Variants in NPHP4 observed in about 807,000 individuals in gnomAD.
The protein encoded by NPHP4 is nephrocystin 4, also known as nephrocystin-4.
A neutral mutation model predicts 155.8 loss-of-function variants in NPHP4; 151 were observed. That is an observed-to-expected ratio of 0.97 (90% CI 0.85 to 1.11). The LOEUF (loss-of-function observed/expected upper bound fraction) is 1.11, where lower values mean the gene tolerates loss of function less well. Among genes scored for constraint, NPHP4 ranks in the 50% least tolerant of loss-of-function variants. The probability of loss-of-function intolerance (pLI) is 0.00; values close to 1 mark genes in which losing one functional copy is unlikely to be tolerated. For synonymous variants in NPHP4, 845 were observed against 816.8 expected (o/e 1.03, Z -0.59); for missense variants, 1,956 against 1,925.7 (o/e 1.02, Z -0.29).
intron 6 of NPHP4, among the ~76,000 whole-genome samples, chr1:5,953,931 A>G (rs1648691915): frequency 6.6e-6 from 1 of 152,192 alleles, no homozygotes; most frequent in Admixed American, 6.5e-5. Flanking sequence ...TTATGTAGAT[A>G]TGTAGATTTT....
intron 23 of NPHP4, among the ~76,000 whole-genome samples, chr1:5,871,459 T>C (rs755374299): frequency 6.6e-6 from 1 of 152,192 alleles, no homozygotes; most frequent in Non-Finnish European, 1.5e-5. Context: ...AAGGGAATGA[T>C]TCTAACATTC....
intron 1 of NPHP4, among the ~76,000 whole-genome samples, chr1:5,987,116 A>G (rs806105): frequency 0.43 from 65,930 of 151,582 alleles, 14,855 homozygotes; most frequent in African/African-American, 0.57. Context: ...CAGCTACATG[A>G]ACAAAGTCTC....
chr1:5,864,208 C>T lies in NPHP4; in HGVS notation c.3996+130G>A, dbSNP rs1339962818. On this transcript the variant is annotated intron_variant, in intron 28 of 29. Transcript: ENST00000378156. ...GAGACACAGCACAGGAGCAAACACT[C>T]ATGCACCCGGCCCTGCTGGGTCAGA... 1.3e-5 allele frequency: 15 copies of T among 1,134,182 alleles called. No homozygotes were observed. In the Admixed American group the frequency reaches 3.1e-4, roughly 24 times the overall value. 70.3% of individuals were successfully genotyped at this position (1,134,182 alleles called of 1,614,324 possible). A position where few individuals can be genotyped will look rare whatever the true frequency, so the allele number is the denominator to read the frequency against.
chr1:5,881,900 T>C (rs1371904867), intron 18 of NPHP4: 1 of 152,258 alleles, frequency 6.6e-6, no homozygotes, highest in Non-Finnish European at 1.5e-5. Flanking sequence ...AAAGCAACTA[T>C]GGCAAAGGCA....
At chr1:5,971,802 G>A (rs542428124) in intron 3 of NPHP4, among the ~76,000 whole-genome samples, 5 of 151,044 alleles carry the variant, frequency 3.3e-5, no homozygotes, top group South Asian at 2.1e-4. Flanking sequence ...CTATTAAAAG[G>A]TTAAGTCAAG....
intron 11 of NPHP4, among the ~76,000 whole-genome samples, chr1:5,920,120 T>G (rs548280945): frequency 6.6e-6 from 1 of 152,106 alleles, no homozygotes; most frequent in East Asian, 1.9e-4. Flanking sequence ...TTAGTAGAGA[T>G]AGGGTTTCAC....
At chr1:5,939,340 G>C (rs940974747) in intron 9 of NPHP4, among the ~76,000 whole-genome samples, 2 of 152,216 alleles carry the variant, frequency 1.3e-5, no homozygotes, top group African/African-American at 4.8e-5. Context: ...ACTTGACAAT[G>C]ACTAAAAGAA....
At chr1:5,888,332 T>A in intron 17 of NPHP4, 1 of 1,057,770 alleles carries the variant, frequency 9.5e-7, no homozygotes, top group Non-Finnish European at 1.1e-6. Flanking sequence ...TCTTCCCCCG[T>A]GCCCTCTCTG....
At chr1:5,945,895 T>C (rs1647063359) in intron 9 of NPHP4, among the ~76,000 whole-genome samples, 2 of 147,686 alleles carry the variant, frequency 1.4e-5, no homozygotes, top group Non-Finnish European at 1.5e-5. Context: ...TGATTAGATC[T>C]GGCATTGTCC....
In NPHP4 at chr1:5,909,182, A is replaced by G; in HGVS notation, c.1473T>C (p.Ala491=). Residue 491 remains alanine (A), a synonymous_variant, in exon 12 of 30, where the codon GCT becomes GCC. Transcript: ENST00000378156. ...GTCCCACAGGTGAGTTCTGCGGGGC[A>G]GCGAGAACTCGAGGTACTGGCGCTG... ...SPPAPVPRVL[A]APQNSPVGPG... 3.1e-6 allele frequency: 5 copies of G among 1,603,926 alleles called. No homozygotes were observed. In the South Asian group the frequency reaches 3.4e-5, roughly 11 times the overall value.
chr1:5,922,025 AC>A (rs1432689820), intron 11 of NPHP4, among the ~76,000 whole-genome samples: 1 of 152,234 alleles, frequency 6.6e-6, no homozygotes, highest in Non-Finnish European at 1.5e-5. Flanking sequence ...TGGGGGGATG[AC>A]CCTGGATTAT....
chr1:5,948,328 A>C, intron 7 of NPHP4, 77 bp from the exon 8 acceptor site: 1 of 1,108,942 alleles, frequency 9.0e-7, no homozygotes, highest in African/African-American at 1.6e-5. Flanking sequence ...GGGGGAGGCG[A>C]GCAGAGAGAA....
chr1:5,920,142 G>A (rs1053203053), intron 11 of NPHP4, among the ~76,000 whole-genome samples: 5 of 152,172 alleles, frequency 3.3e-5, no homozygotes, highest in African/African-American at 1.2e-4. Flanking sequence ...ATGTTAGCCA[G>A]GATGGTCTCA....
Position 5,888,819 on chromosome 1 carries a change from G to A in NPHP4, c.2305-1353C>T, listed in dbSNP as rs542284946. On this transcript the variant is annotated intron_variant, in intron 17 of 29. Transcript: ENST00000378156. Reference sequence around the variant, plus strand: ...GAAGTGCAGGCCTGGCTGAGCCTTCGGGCCAAACCCCCATCTGGCTCTGCA... The same window carrying A: ...GAAGTGCAGGCCTGGCTGAGCCTTCAGGCCAAACCCCCATCTGGCTCTGCA... Among the ~76,000 whole-genome samples, 8 of 152,290 alleles carry A rather than the reference G, an allele frequency of 5.3e-5. No homozygotes were observed. In the South Asian group the frequency reaches 1.5e-3, roughly 28 times the overall value.
At chr1:5,963,506 G>A (rs1038284467) in intron 5 of NPHP4, among the ~76,000 whole-genome samples, 4 of 152,126 alleles carry the variant, frequency 2.6e-5, no homozygotes, top group African/African-American at 9.6e-5. Context: ...TATTTGACCT[G>A]AGTGGCTAGT....
At chr1:5,883,550 G>A (rs909068249) in intron 18 of NPHP4, among the ~76,000 whole-genome samples, 8 of 152,162 alleles carry the variant, frequency 5.3e-5, no homozygotes, top group East Asian at 1.9e-4. Context: ...TCTCTGTCAC[G>A]TCCCGAGGAC....
At position 5,880,095 on chromosome 1, in the gene NPHP4, C is replaced by A. The variant is rs368482352; in HGVS notation, c.2611+19G>T. On this transcript the variant is annotated intron_variant, in intron 19 of 29. Coordinates refer to ENST00000378156, the MANE Select transcript of NPHP4 (RefSeq NM_015102.5). ...CACTCACGACCCACCCACACATGGGCCCAACAGTGTAAACTCACGCCTTGA... is the reference window on the plus strand; with the variant it reads ...CACTCACGACCCACCCACACATGGGACCAACAGTGTAAACTCACGCCTTGA... 2.1e-5 allele frequency: 34 copies of A among 1,613,438 alleles called. No homozygotes were observed. The highest frequency in any genetic ancestry group is 2.9e-5 in the Non-Finnish European group (34 of 1,179,684).
intron 9 of NPHP4, among the ~76,000 whole-genome samples, chr1:5,935,414 G>T (rs1646487581): frequency 6.6e-6 from 1 of 152,178 alleles, no homozygotes; most frequent in Non-Finnish European, 1.5e-5. Context: ...AATCAGAAAA[G>T]TAAGAAATGG....
intron 22 of NPHP4, 54 bp from the exon 23 acceptor site, chr1:5,873,389 A>T: frequency 1.4e-6 from 2 of 1,441,842 alleles, no homozygotes; most frequent in Non-Finnish European, 2.0e-6. Flanking sequence ...TTAGGCGACC[A>T]GCACCTGTGC....
Sources: gnomAD v4.1 joint callset for allele counts (sites outside exome capture counted in the v4.1 genomes callset) on GRCh38, gnomAD v4.1.1 for gene constraint, MANE v1.5 for transcripts, NCBI Gene and HGNC (gene_info 2026-07-23, HGNC 2026-07-21) for gene names.